Variants in RYR3 observed in about 807,000 individuals in gnomAD.
RYR3 encodes ryanodine receptor 3.
In RYR3, 207 loss-of-function variants were observed where a neutral mutation model predicts 584.3. That is an observed-to-expected ratio of 0.35 (90% confidence interval 0.32 to 0.40). The LOEUF (loss-of-function observed/expected upper bound fraction) is 0.40. RYR3 is among the 10% of genes least tolerant of loss of function. The pLI is 1.00. For missense variants in RYR3, 5,616 were observed against 6,089.2 expected (o/e 0.92, Z 2.59); for synonymous variants, 2,416 against 2,248.5 (o/e 1.07, Z -2.11).
intron 92 of RYR3, 22 bp from the exon 93 acceptor site, chr15:33,844,840 G>C: frequency 6.2e-7 from 1 of 1,606,772 alleles, no homozygotes; most frequent in African/African-American, 1.3e-5. Context: ...TGTTTAATAA[G>C]CGAGTGTGTA....
intron 5 of RYR3, among the ~76,000 whole-genome samples, chr15:33,535,118 A>G (rs1171323961): frequency 2.6e-5 from 4 of 152,260 alleles, no homozygotes; most frequent in Admixed American, 1.3e-4. Context: ...AGTCTGTAAT[A>G]TGACATTCTC....
intron 32 of RYR3, among the ~76,000 whole-genome samples, chr15:33,655,781 G>A (rs1053762994): frequency 5.9e-5 from 9 of 152,290 alleles, no homozygotes; most frequent in East Asian, 1.9e-4. Context: ...AGACAGTAAC[G>A]TGTCCTGCCA....
intron 86 of RYR3, among the ~76,000 whole-genome samples, chr15:33,832,662 A>G (rs999292804): frequency 3.3e-5 from 5 of 151,530 alleles, no homozygotes; most frequent in African/African-American, 1.2e-4. Context: ...GTCTCAAAAA[A>G]AAAAAAAAAA....
chr15:33,796,543 C>T (rs893194975), intron 67 of RYR3, among the ~76,000 whole-genome samples: 1 of 152,154 alleles, frequency 6.6e-6, no homozygotes, highest in Non-Finnish European at 1.5e-5. Context: ...GTTATTTCAT[C>T]CACTTGGGTT....
At chr15:33,389,227 T>TA (rs541176427) in intron 1 of RYR3, among the ~76,000 whole-genome samples, 11 of 150,976 alleles carry the variant, frequency 7.3e-5, no homozygotes, top group African/African-American at 1.5e-4. Flanking sequence ...TAAAGTATAA[T>TA]AAAAAAAAAT....
intron 63 of RYR3, 66 bp downstream of exon 63, chr15:33,772,224 C>A: frequency 2.2e-6 from 2 of 923,148 alleles, no homozygotes; most frequent in East Asian, 2.5e-5. Context: ...GTGCAGGGCC[C>A]ATTCACTTAC....
At chr15:33,388,198 T>G (rs545225586) in intron 1 of RYR3, among the ~76,000 whole-genome samples, 2 of 152,156 alleles carry the variant, frequency 1.3e-5, no homozygotes. Context: ...GATGTGATAG[T>G]TGATAAAGTA....
intron 63 of RYR3, among the ~76,000 whole-genome samples, chr15:33,773,224 C>T (rs1426225889): frequency 3.9e-5 from 6 of 152,150 alleles, no homozygotes; most frequent in East Asian, 1.9e-4. Flanking sequence ...CTATTGGAAA[C>T]GAACCAAATC....
At chr15:33,536,666 A>G (rs1365952597) in intron 5 of RYR3, among the ~76,000 whole-genome samples, 1 of 152,086 alleles carries the variant, frequency 6.6e-6, no homozygotes, top group East Asian at 1.9e-4. Context: ...TGCATACAAC[A>G]TTTTCCCCTT....
chr15:33,522,959 G>A (rs1473107144), intron 3 of RYR3, among the ~76,000 whole-genome samples: 1 of 152,202 alleles, frequency 6.6e-6, no homozygotes, highest in Non-Finnish European at 1.5e-5. Flanking sequence ...TTCAAGGCCT[G>A]TTTGGAAAAT....
rs180673211 is a variant in RYR3 at position 33,329,660 on chromosome 15, T to C, written c.51+18564T>C. On this transcript the variant is annotated intron_variant, in intron 1 of 103. Coordinates refer to ENST00000634891, the MANE Select transcript of RYR3 (RefSeq NM_001036.6). ...AAAATGCTTACTCACCAGTTCTCAA[T>C]GTTCTCAATACTCCTTAACATCAAA... 1.6e-4 allele frequency among the ~76,000 whole-genome samples: 24 copies of C among 152,328 alleles called. No homozygotes were observed. In the East Asian group the frequency reaches 4.6e-3, roughly 29 times the overall value.
chr15:33,855,179 G>A (rs1390005128), intron 98 of RYR3, among the ~76,000 whole-genome samples: 1 of 151,928 alleles, frequency 6.6e-6, no homozygotes, highest in African/African-American at 2.4e-5. Flanking sequence ...GGAGGTGATG[G>A]ACATGTCAGA....
chr15:33,792,153 G>A (rs2075199185), intron 67 of RYR3, among the ~76,000 whole-genome samples: 1 of 152,164 alleles, frequency 6.6e-6, no homozygotes, highest in South Asian at 2.1e-4. Flanking sequence ...TGTGCTAAAA[G>A]CATGGATAAA....
chr15:33,344,968 G>T (rs1259009670), intron 1 of RYR3, among the ~76,000 whole-genome samples: 1 of 152,200 alleles, frequency 6.6e-6, no homozygotes, highest in Non-Finnish European at 1.5e-5. Flanking sequence ...CCCACATTTT[G>T]CAGGTAGGAA....
At chr15:33,775,703 A>G (rs775620457) in intron 64 of RYR3, among the ~76,000 whole-genome samples, 19 of 152,184 alleles carry the variant, frequency 1.2e-4, no homozygotes, top group Admixed American at 7.9e-4. Flanking sequence ...AGTTATGAGA[A>G]TGGCAGATGG....
rs1467582638 is a variant in RYR3 at position 33,816,923 on chromosome 15, T to G, written c.10564T>G (p.Tyr3522Asp). ...GAGATTTTGGATAGAAACAGAGGAG[T>G]ATTCCTTTGAAGAGAAACTAGTACA... ...YQRFWIETEEYSFEEKLVQDL... is the reference protein window; with the variant it reads ...YQRFWIETEEDSFEEKLVQDL... Residue 3522 changes from tyrosine to aspartate, a missense_variant, in exon 75 of 104, where the codon TAT (tyrosine) becomes GAT (aspartate). Physicochemically the swap from Tyr to Asp is radical, Grantham distance 160 (BLOSUM62 -3). Transcript: ENST00000634891. 1 of 1,611,596 alleles carries G rather than the reference T, an allele frequency of 6.2e-7. No homozygotes were observed. Among genetic ancestry groups the G allele is most frequent in the Non-Finnish European group, 8.5e-7 (1 of 1,178,594 alleles).
intron 16 of RYR3, among the ~76,000 whole-genome samples, chr15:33,590,955 C>G (rs2059101990): frequency 6.6e-6 from 1 of 152,168 alleles, no homozygotes; most frequent in South Asian, 2.1e-4. Flanking sequence ...ATAACTGCCA[C>G]TCATCAAAAG....
chr15:33,515,739 T>G (rs1472532078), intron 3 of RYR3, among the ~76,000 whole-genome samples: 3 of 152,266 alleles, frequency 2.0e-5, no homozygotes, highest in Admixed American at 6.5e-5. Flanking sequence ...TTGTTTTGCC[T>G]TAGGTTTTTG....
At chr15:33,841,012 C>A in intron 90 of RYR3, 129 bp downstream of exon 90, 1 of 783,368 alleles carries the variant, frequency 1.3e-6, no homozygotes, top group Non-Finnish European at 2.1e-6. Flanking sequence ...GAACCCAGGA[C>A]TTCGAGACCA....
Sources: allele counts gnomAD v4.1 joint callset (sites outside exome capture counted in the v4.1 genomes callset), GRCh38; gene constraint gnomAD v4.1.1; transcripts MANE v1.5; gene names NCBI Gene and HGNC (gene_info 2026-07-23, HGNC 2026-07-21).